The following CDC14A variants were observed in gnomAD, a reference collection of about 807,000 sequenced individuals.
CDC14A encodes dual specificity protein phosphatase CDC14A.
A neutral mutation model predicts 74.4 loss-of-function variants in CDC14A; 53 were observed. The observed-to-expected ratio is 0.71, with a 90% CI of 0.57 to 0.89. The LOEUF (loss-of-function observed/expected upper bound fraction) is 0.89. CDC14A is among the 40% of genes least tolerant of loss of function. CDC14A has a pLI of 0.00. For missense variants in CDC14A, 646 were observed against 713.7 expected (o/e 0.91, Z 1.08); for synonymous variants, 247 against 258.4 (o/e 0.96, Z 0.43).
chr1:100,495,208 C>T (rs910075981), intron 12 of CDC14A, among the ~76,000 whole-genome samples: 1 of 152,218 alleles, frequency 6.6e-6, no homozygotes, highest in Admixed American at 6.5e-5. Flanking sequence ...GTTTGGATTT[C>T]TCCCCTTCTG....
chr1:100,495,871 T>C (rs1465963292), intron 12 of CDC14A, 131 bp from the exon 13 acceptor site: 15 of 700,944 alleles, frequency 2.1e-5, no homozygotes, highest in Non-Finnish European at 3.0e-5. Context: ...TAATCTAATA[T>C]CCATTTGCAA....
intron 3 of CDC14A, among the ~76,000 whole-genome samples, chr1:100,389,895 A>C (rs1416275367): frequency 6.6e-6 from 1 of 152,206 alleles, no homozygotes; most frequent in East Asian, 1.9e-4. Flanking sequence ...TAAATTTTGA[A>C]AAGTGAGGAA....
At chr1:100,393,489 A>G (rs1454918750) in intron 4 of CDC14A, 7 of 769,090 alleles carry the variant, frequency 9.1e-6, no homozygotes, top group Non-Finnish European at 1.7e-5. Flanking sequence ...TCGAGCAGCC[A>G]GTCTCTCAAA....
rs749208572 is a variant in CDC14A at position 100,377,629 on chromosome 1, T to C, written c.216+8T>C. 10 of 1,593,260 alleles carry C rather than the reference T, an allele frequency of 6.3e-6. No individual in the cohort carries two copies. The highest frequency in any genetic ancestry group is 8.6e-6 in the Non-Finnish European group (10 of 1,161,668). ...CTAAACAAGAAACTAAAAGTGAGTA[T>C]TGTAGTGATATTTATAATTTGGAAT... On this transcript the variant is annotated splice_region_variant and intron_variant, in intron 3 of 15. Transcript: ENST00000336454.
Position 100,457,073 on chromosome 1 carries a change from G to A in CDC14A, c.607+1581G>A, listed in dbSNP as rs190942183. Among the ~76,000 whole-genome samples, 117 of 152,302 alleles carry A rather than the reference G, an allele frequency of 7.7e-4. 1 individual carries two copies. In the East Asian group the frequency reaches 0.02, roughly 27 times the overall value. On this transcript the variant is annotated intron_variant, in intron 8 of 15. Transcript: ENST00000336454. ...TGCAAATTATCTGACTCAGGCCCAG[G>A]AAATGTTAGTAGGGATATTGTTTCA...
At chr1:100,353,130 C>A (rs1651350580) in intron 1 of CDC14A, 127 bp downstream of exon 1, 9 of 941,908 alleles carry the variant, frequency 9.6e-6, no homozygotes, top group Non-Finnish European at 1.5e-5. Flanking sequence ...CTCTCGTCCC[C>A]TCTAGGGACT....
chr1:100,371,682 C>A (rs916933142), intron 2 of CDC14A, among the ~76,000 whole-genome samples: 2 of 152,142 alleles, frequency 1.3e-5, no homozygotes, highest in Non-Finnish European at 2.9e-5. Flanking sequence ...TTTTGAGGTG[C>A]TGCTGGATTT....
chr1:100,345,360 TG>T (rs1263512854), intron 1 of CDC14A: 2 of 152,252 alleles, frequency 1.3e-5, no homozygotes, highest in African/African-American at 2.4e-5. Flanking sequence ...AATGCTAGGC[TG>T]TATTTGTACA....
intron 2 of CDC14A, among the ~76,000 whole-genome samples, chr1:100,359,680 G>T (rs1652410917): frequency 6.6e-6 from 1 of 151,964 alleles, no homozygotes; most frequent in African/African-American, 2.4e-5. Flanking sequence ...TGAGTTAATT[G>T]TAGGACACGT....
chr1:100,485,291 T>A, intron 11 of CDC14A: 1 of 985,320 alleles, frequency 1.0e-6, no homozygotes, highest in Non-Finnish European at 1.2e-6. Flanking sequence ...GGGCATTCAA[T>A]TCCTAGTTTA....
intron 15 of CDC14A, chr1:100,499,469 T>G: frequency 2.8e-6 from 4 of 1,447,842 alleles, no homozygotes; most frequent in Non-Finnish European, 3.6e-6. Flanking sequence ...AACTGGGTTT[T>G]CTTCCTTCCT....
intron 9 of CDC14A, 47 bp downstream of exon 9, chr1:100,462,928 G>T: frequency 7.0e-7 from 1 of 1,435,328 alleles, no homozygotes; most frequent in Non-Finnish European, 9.8e-7. Context: ...TCGAAGGGGC[G>T]GGCCAAGGAA....
chr1:100,360,108 A>ATTT (rs35028152), intron 2 of CDC14A, among the ~76,000 whole-genome samples: 6 of 123,730 alleles, frequency 4.8e-5, no homozygotes, highest in Admixed American at 3.3e-4. Flanking sequence ...ACACCCAGCT[A>ATTT]TTTTTTTTTT....
intron 8 of CDC14A, among the ~76,000 whole-genome samples, chr1:100,461,147 G>A (rs957984688): frequency 2.0e-5 from 3 of 152,360 alleles, no homozygotes; most frequent in Admixed American, 2.0e-4. Context: ...CAAAAGTGGA[G>A]TTAGCAGAAC....
intron 10 of CDC14A, among the ~76,000 whole-genome samples, chr1:100,473,462 C>CT (rs1003107768): frequency 3.7e-4 from 56 of 152,260 alleles, no homozygotes; most frequent in African/African-American, 1.3e-3. Context: ...TCTTGGCTTA[C>CT]TGCAGCCTCT....
intron 11 of CDC14A, among the ~76,000 whole-genome samples, chr1:100,487,784 A>T (rs1670192947): frequency 6.6e-6 from 1 of 152,130 alleles, no homozygotes; most frequent in South Asian, 2.1e-4. Context: ...GCTGGGCACT[A>T]TGAAATATAC....
At chr1:100,517,673 A>C (rs941143931) in intron 15 of CDC14A, among the ~76,000 whole-genome samples, 1 of 152,082 alleles carries the variant, frequency 6.6e-6, no homozygotes, top group Non-Finnish European at 1.5e-5. Context: ...CGACAGCAAG[A>C]CTCTTCTGCA....
intron 1 of CDC14A, among the ~76,000 whole-genome samples, chr1:100,346,850 T>C (rs1351323197): frequency 6.6e-6 from 1 of 152,176 alleles, no homozygotes; most frequent in Non-Finnish European, 1.5e-5. Flanking sequence ...GAGATGAATA[T>C]TGAATTGACT....
rs769440728 is a variant in CDC14A, at chr1:100,462,792, T to C, written c.749T>C (p.Ile250Thr). Residue 250 changes from isoleucine to threonine, a missense_variant, in exon 9 of 16, where the codon ATA becomes ACA. Physicochemically the swap from Ile to Thr is moderately conservative, Grantham distance 89 (BLOSUM62 -1). Coordinates refer to ENST00000336454, the MANE Select transcript of CDC14A (RefSeq NM_003672.4). Reference sequence around the variant, plus strand: ...TTCGAGCACTATGACCTCTTCTTCATAGATGGCAGCACACCCAGTGACAAC... The same window carrying C: ...TTCGAGCACTATGACCTCTTCTTCACAGATGGCAGCACACCCAGTGACAAC... ...AGFEHYDLFFIDGSTPSDNIV... is the reference protein window; with the variant it reads ...AGFEHYDLFFTDGSTPSDNIV... 9.9e-6 allele frequency: 16 copies of C among 1,613,960 alleles called. No individual in the cohort carries two copies. The highest frequency in any genetic ancestry group is 1.4e-5 in the Non-Finnish European group (16 of 1,180,006).
Sources: gnomAD v4.1 joint callset for allele counts (sites outside exome capture counted in the v4.1 genomes callset) on GRCh38, gnomAD v4.1.1 for gene constraint, MANE v1.5 for transcripts, NCBI Gene and HGNC (gene_info 2026-07-23, HGNC 2026-07-21) for gene names.